The following PPAT variants were observed in gnomAD, a reference collection of about 807,000 sequenced individuals.
PPAT encodes the protein phosphoribosyl pyrophosphate amidotransferase.
In PPAT, 20 loss-of-function variants were observed where a neutral mutation model predicts 60.2. That is an observed-to-expected ratio of 0.33 (90% CI 0.23 to 0.48). The LOEUF (loss-of-function observed/expected upper bound fraction) is 0.48, where lower values mean the gene tolerates loss of function less well. Among genes scored for constraint, PPAT ranks in the 20% least tolerant of loss-of-function variants. The pLI is 0.99. For synonymous variants in PPAT, 194 were observed against 215.1 expected (o/e 0.90, Z 0.86); for missense variants, 349 against 629.6 (o/e 0.55, Z 4.77).
intron 1 of PPAT, among the ~76,000 whole-genome samples, chr4:56,417,833 TG>T (rs1716837261): frequency 8.7e-6 from 1 of 115,416 alleles, no homozygotes; most frequent in African/African-American, 3.3e-5. Context: ...TTTGAAGATT[TG>T]GTTTTTTGTT....
At chr4:56,395,630 C>T in intron 10 of PPAT, 82 bp from the exon 11 acceptor site, 1 of 935,282 alleles carries the variant, frequency 1.1e-6, no homozygotes, top group African/African-American at 1.8e-5. Context: ...TAGTTACAAA[C>T]AGAATAATTT....
intron 1 of PPAT, chr4:56,410,522 A>T (rs1716397882): frequency 1.0e-6 from 1 of 986,454 alleles, no homozygotes; most frequent in African/African-American, 1.7e-5. Context: ...CAACATGGAG[A>T]GTGGAGCAGG....
At chr4:56,434,323 T>C (rs983179581) in intron 1 of PPAT, among the ~76,000 whole-genome samples, 1 of 152,234 alleles carries the variant, frequency 6.6e-6, no homozygotes, top group African/African-American at 2.4e-5. Context: ...AATGCGTTTA[T>C]ACGTGTTGCA....
chr4:56,426,874 C>T (rs1414202529), intron 1 of PPAT, among the ~76,000 whole-genome samples: 2 of 152,208 alleles, frequency 1.3e-5, no homozygotes, highest in South Asian at 2.1e-4. Context: ...ACTGAAACTT[C>T]TGTAGCCATT....
At chr4:56,432,645 C>T (rs1248400260) in intron 1 of PPAT, among the ~76,000 whole-genome samples, 61 of 149,004 alleles carry the variant, frequency 4.1e-4, no homozygotes, top group African/African-American at 1.4e-3. Context: ...ATTAGCCGGG[C>T]GTGGTGGGGG....
Position 56,435,509 on chromosome 4 carries a change from C to T in PPAT, c.-32G>A, listed in dbSNP as rs749612783. 6.2e-7 allele frequency: 1 copy of T among 1,612,414 alleles called. No individual in the cohort carries two copies. Among genetic ancestry groups the T allele is most frequent in the African/African-American group, 1.3e-5 (1 of 74,890 alleles). ...GCCGAAAGCACGTGGAAGGACCTGC[C>T]GCTGCGGCCAAGGTGTAAGCACCAA... On this transcript the variant is annotated 5_prime_UTR_variant, in exon 1 of 11. Transcript: ENST00000264220.
intron 1 of PPAT, among the ~76,000 whole-genome samples, chr4:56,431,997 A>G (rs1717608888): frequency 6.6e-6 from 1 of 152,224 alleles, no homozygotes; most frequent in South Asian, 2.1e-4. Flanking sequence ...GACAGCCAGA[A>G]CTACTAAAAA....
intron 1 of PPAT, chr4:56,419,630 A>G: frequency 6.2e-6 from 6 of 975,596 alleles, no homozygotes; most frequent in Non-Finnish European, 7.3e-6. Context: ...CTACGTCAGT[A>G]TTGGAACCCT....
chr4:56,417,072 C>G (rs1716788847), intron 1 of PPAT, among the ~76,000 whole-genome samples: 1 of 152,210 alleles, frequency 6.6e-6, no homozygotes, highest in Non-Finnish European at 1.5e-5. Flanking sequence ...TGATCTAGAA[C>G]TCTCGACCTC....
chr4:56,429,867 C>T (rs1717492237), intron 1 of PPAT, among the ~76,000 whole-genome samples: 1 of 152,186 alleles, frequency 6.6e-6, no homozygotes, highest in Non-Finnish European at 1.5e-5. Context: ...ACTATATGTA[C>T]TTTTCTTTCA....
intron 3 of PPAT, among the ~76,000 whole-genome samples, chr4:56,406,073 A>G (rs1251525243): frequency 3.9e-5 from 6 of 152,224 alleles, no homozygotes; most frequent in Non-Finnish European, 7.4e-5. Flanking sequence ...AACTGCTGGT[A>G]TAAGAAACCC....
At chr4:56,429,742 A>T (rs1717483841) in intron 1 of PPAT, among the ~76,000 whole-genome samples, 1 of 152,230 alleles carries the variant, frequency 6.6e-6, no homozygotes, top group Admixed American at 6.5e-5. Context: ...TCCACCATTC[A>T]GGACATAAAA....
At chr4:56,406,052 G>A (rs572233822) in intron 3 of PPAT, among the ~76,000 whole-genome samples, 4 of 152,298 alleles carry the variant, frequency 2.6e-5, no homozygotes, top group East Asian at 3.9e-4. Context: ...CCCATTTGGT[G>A]TCCTCTGGAA....
intron 1 of PPAT, among the ~76,000 whole-genome samples, chr4:56,426,557 G>T (rs1560649621): frequency 3.3e-5 from 5 of 152,060 alleles, no homozygotes; most frequent in Non-Finnish European, 2.9e-5. Context: ...TTTGTGTCTG[G>T]CTTCTTTTGT....
intron 9 of PPAT, among the ~76,000 whole-genome samples, chr4:56,398,884 C>T (rs1358103070): frequency 2.0e-5 from 3 of 152,058 alleles, no homozygotes; most frequent in Non-Finnish European, 4.4e-5. Flanking sequence ...AACTCCTGGG[C>T]TCAAGCAACC....
chr4:56,429,328 T>C (rs1479841452), intron 1 of PPAT, among the ~76,000 whole-genome samples: 1 of 152,184 alleles, frequency 6.6e-6, no homozygotes, highest in African/African-American at 2.4e-5. Context: ...ACAGTGATTG[T>C]TGCAATTATT....
chr4:56,426,609 T>C (rs1276804951), intron 1 of PPAT, among the ~76,000 whole-genome samples: 1 of 152,184 alleles, frequency 6.6e-6, no homozygotes. Flanking sequence ...AGTATTTCAT[T>C]CCTTTTTATG....
rs140815489 is a variant in PPAT, at chr4:56,417,903, C to T, written c.129-10187G>A. Reference sequence around the variant, plus strand: ...GTTGCCAGGCTAGAGTGCAGTGGTGCAATCTCGGCTCACTGCAATCCTGCC... The same window carrying T: ...GTTGCCAGGCTAGAGTGCAGTGGTGTAATCTCGGCTCACTGCAATCCTGCC... On this transcript the variant is annotated intron_variant, in intron 1 of 10. Transcript: ENST00000264220. 2.7e-3 allele frequency among the ~76,000 whole-genome samples: 389 copies of T among 144,846 alleles called. 3 individuals carry two copies. The highest frequency in any genetic ancestry group is 9.7e-3 in the African/African-American group (372 of 38,398).
At chr4:56,424,254 C>T (rs116965696) in intron 1 of PPAT, among the ~76,000 whole-genome samples, 1 of 152,302 alleles carries the variant, frequency 6.6e-6, no homozygotes, top group East Asian at 1.9e-4. Flanking sequence ...CAGCTGTAGA[C>T]CCCTTGGATT....
Sources: allele counts gnomAD v4.1 joint callset (sites outside exome capture counted in the v4.1 genomes callset), GRCh38; gene constraint gnomAD v4.1.1; transcripts MANE v1.5; gene names NCBI Gene and HGNC (gene_info 2026-07-23, HGNC 2026-07-21).